Variants in CNTN3 observed in about 807,000 individuals in gnomAD.
CNTN3 encodes contactin 3, also known as contactin-3.
In CNTN3, 60 loss-of-function variants were observed where a neutral mutation model predicts 119.1. The observed-to-expected ratio is 0.50, with a 90% CI of 0.41 to 0.62. The LOEUF (loss-of-function observed/expected upper bound fraction) is 0.62, where lower values mean the gene tolerates loss of function less well. Ranked by LOEUF, CNTN3 falls within the 20% of genes least tolerant of loss-of-function variation. CNTN3 has a pLI of 0.00. For synonymous variants in CNTN3, 450 were observed against 438.7 expected, an observed-to-expected ratio of 1.03 and a Z score of -0.32; for missense variants, 1,101 against 1,242.4, an observed-to-expected ratio of 0.89 and a Z score of 1.71.
At chr3:74,601,013 G>A (rs961228193) in intron 1 of CNTN3, among the ~76,000 whole-genome samples, 1 of 150,104 alleles carries the variant, frequency 6.7e-6, no homozygotes, top group African/African-American at 2.4e-5. Flanking sequence ...CACTACATGA[G>A]ACTTACATAT....
intron 1 of CNTN3, among the ~76,000 whole-genome samples, chr3:74,614,108 C>T (rs866488484): frequency 1.3e-5 from 2 of 152,174 alleles, no homozygotes; most frequent in African/African-American, 4.8e-5. Flanking sequence ...ATCCACTGCG[C>T]GAAGGGCAAG....
In CNTN3 at chr3:74,490,960, G is replaced by C. The variant is rs9873392; in HGVS notation, c.183-4329C>G. Reference sequence around the variant, plus strand: ...CATCATTAAATGGAACTCACCCCAGGTTATATAAAATTTCTCAATATCTTA... The same window carrying C: ...CATCATTAAATGGAACTCACCCCAGCTTATATAAAATTTCTCAATATCTTA... On this transcript the variant is annotated intron_variant, in intron 3 of 22. Transcript: ENST00000263665. 9.6e-3 allele frequency among the ~76,000 whole-genome samples: 1,460 copies of C among 152,048 alleles called. 23 individuals carry two copies. Among genetic ancestry groups the C allele is most frequent in the African/African-American group, 0.032 (1,331 of 41,480 alleles).
At chr3:74,496,600 T>C (rs1703068645) in intron 3 of CNTN3, among the ~76,000 whole-genome samples, 1 of 150,146 alleles carries the variant, frequency 6.7e-6, no homozygotes, top group South Asian at 2.1e-4. Context: ...GATTCTCCTA[T>C]TTGTGGTCTT....
At chr3:74,601,476 C>T (rs556227753) in intron 1 of CNTN3, among the ~76,000 whole-genome samples, 7 of 152,204 alleles carry the variant, frequency 4.6e-5, no homozygotes, top group African/African-American at 9.6e-5. Context: ...GTCTCACAAA[C>T]GGCTCCTTCA....
intron 4 of CNTN3, among the ~76,000 whole-genome samples, chr3:74,464,344 C>A (rs1702423273): frequency 6.6e-6 from 1 of 152,126 alleles, no homozygotes. Flanking sequence ...CTGTTACTCC[C>A]TGAATAAACT....
chr3:74,397,131 T>C (rs1006248192), intron 5 of CNTN3, among the ~76,000 whole-genome samples: 2 of 152,174 alleles, frequency 1.3e-5, no homozygotes, highest in African/African-American at 2.4e-5. Flanking sequence ...CCAATGCTCA[T>C]TGACCATTCC....
chr3:74,334,465 C>T (rs643683), intron 13 of CNTN3, among the ~76,000 whole-genome samples: 110,500 of 152,086 alleles, frequency 0.73, 41,269 homozygotes, highest in African/African-American at 0.91. Flanking sequence ...TTCCATAAGA[C>T]ATTAACAAAA....
chr3:74,488,690 T>C (rs894095313), intron 3 of CNTN3, among the ~76,000 whole-genome samples: 4 of 152,192 alleles, frequency 2.6e-5, no homozygotes, highest in Admixed American at 2.6e-4. Flanking sequence ...TTCTCACTTT[T>C]TCTGTTTTCC....
At chr3:74,546,157 G>A (rs552864275) in intron 1 of CNTN3, among the ~76,000 whole-genome samples, 18 of 152,026 alleles carry the variant, frequency 1.2e-4, no homozygotes, top group African/African-American at 2.7e-4. Context: ...CAGTATGCCC[G>A]GCTAATTTTT....
intron 2 of CNTN3, among the ~76,000 whole-genome samples, chr3:74,509,894 A>G (rs937381931): frequency 2.6e-5 from 4 of 151,992 alleles, no homozygotes; most frequent in East Asian, 1.9e-4. Flanking sequence ...TCATTATCCT[A>G]TAATATATTA....
At chr3:74,525,271 T>C (rs1240592129) in intron 1 of CNTN3, among the ~76,000 whole-genome samples, 2 of 151,944 alleles carry the variant, frequency 1.3e-5, no homozygotes, top group Admixed American at 1.3e-4. Flanking sequence ...ATAATATTCA[T>C]TTATACGTAC....
At chr3:74,465,755 G>C (rs560036023) in intron 4 of CNTN3, among the ~76,000 whole-genome samples, 2 of 152,128 alleles carry the variant, frequency 1.3e-5, no homozygotes, top group Non-Finnish European at 2.9e-5. Flanking sequence ...ACACCAGGTC[G>C]CAGGGCTGTC....
At chr3:74,455,273 C>G (rs1486679526) in intron 4 of CNTN3, among the ~76,000 whole-genome samples, 1 of 151,972 alleles carries the variant, frequency 6.6e-6, no homozygotes, top group African/African-American at 2.4e-5. Context: ...TCGCTGATAC[C>G]CTTTCTTCCA....
intron 1 of CNTN3, among the ~76,000 whole-genome samples, chr3:74,532,804 A>G (rs912820219): frequency 6.6e-6 from 1 of 152,056 alleles, no homozygotes; most frequent in Non-Finnish European, 1.5e-5. Flanking sequence ...ACAGAAAATG[A>G]TACCTTAGAT....
chr3:74,486,658 C>T (rs1003537059), intron 3 of CNTN3, 27 bp from the exon 4 acceptor site: 5 of 1,491,022 alleles, frequency 3.4e-6, no homozygotes, highest in Non-Finnish European at 4.4e-6. Flanking sequence ...AAGGTTCCCC[C>T]CCCTTAGTAT....
chr3:74,542,899 G>A (rs1236937439), intron 1 of CNTN3, among the ~76,000 whole-genome samples: 2 of 152,108 alleles, frequency 1.3e-5, no homozygotes, highest in Non-Finnish European at 2.9e-5. Context: ...CTGGAGGATT[G>A]CTTGAGGCCA....
At chr3:74,337,319 C>T (rs182384223) in intron 11 of CNTN3, among the ~76,000 whole-genome samples, 1 of 152,004 alleles carries the variant, frequency 6.6e-6, no homozygotes, top group Non-Finnish European at 1.5e-5. Flanking sequence ...ATACACTTAG[C>T]ACTATAAGAG....
At chr3:74,400,577 T>A (rs1237893379) in intron 5 of CNTN3, among the ~76,000 whole-genome samples, 2 of 152,204 alleles carry the variant, frequency 1.3e-5, no homozygotes, top group Non-Finnish European at 2.9e-5. Flanking sequence ...TTGGGCCATC[T>A]TAGGTTTAAG....
At chr3:74,416,571 T>C (rs887242979) in intron 5 of CNTN3, among the ~76,000 whole-genome samples, 2 of 152,192 alleles carry the variant, frequency 1.3e-5, no homozygotes, top group Admixed American at 6.5e-5. Flanking sequence ...AAAAAGGTTT[T>C]CATTGTTACA....
Sources: gnomAD v4.1 joint callset for allele counts (sites outside exome capture counted in the v4.1 genomes callset) on GRCh38, gnomAD v4.1.1 for gene constraint, MANE v1.5 for transcripts, NCBI Gene and HGNC (gene_info 2026-07-23, HGNC 2026-07-21) for gene names.